Variants in MCC observed in about 807,000 individuals in gnomAD.
MCC encodes the protein colorectal mutant cancer protein.
MCC carries 90 observed loss-of-function variants against 116.2 expected under a neutral mutation model. That is an observed-to-expected ratio of 0.77 (90% CI 0.65 to 0.92). MCC has a LOEUF of 0.92. MCC is among the 40% of genes least tolerant of loss of function. The pLI, the probability that MCC is intolerant of heterozygous loss-of-function variation, is 0.00. For synonymous variants in MCC, 578 were observed against 510.5 expected (o/e 1.13, Z -1.78); for missense variants, 1,516 against 1,312.2 (o/e 1.16, Z -2.40).
At chr5:113,306,219 T>A (rs1382627898) in intron 3 of MCC, among the ~76,000 whole-genome samples, 1 of 152,232 alleles carries the variant, frequency 6.6e-6, no homozygotes, top group East Asian at 1.9e-4. Flanking sequence ...TGAACATTTG[T>A]GAGCAAGTTT....
chr5:113,028,870 C>G, intron 18 of MCC, 64 bp downstream of exon 18: 1 of 1,569,830 alleles, frequency 6.4e-7, no homozygotes, highest in South Asian at 1.2e-5. Context: ...TGTCTACATG[C>G]AGGGTGTCAG....
At chr5:113,194,644 G>T (rs1403413428) in intron 3 of MCC, among the ~76,000 whole-genome samples, 3 of 151,990 alleles carry the variant, frequency 2.0e-5, no homozygotes, top group African/African-American at 4.8e-5. Flanking sequence ...GGCGACAAAG[G>T]AAGACCCTGC....
At chr5:113,481,748 A>G (rs1321117060) in intron 1 of MCC, among the ~76,000 whole-genome samples, 1 of 152,206 alleles carries the variant, frequency 6.6e-6, no homozygotes, top group Non-Finnish European at 1.5e-5. Flanking sequence ...CAAAAAAATA[A>G]AAAATAAAAA....
At chr5:113,398,659 T>C (rs1050178195) in intron 1 of MCC, among the ~76,000 whole-genome samples, 15 of 152,282 alleles carry the variant, frequency 9.9e-5, no homozygotes, top group Middle Eastern at 3.4e-3. Flanking sequence ...ATGGCAACGA[T>C]AGACACTTGG....
chr5:113,407,817 G>GC (rs1769879740), intron 1 of MCC, among the ~76,000 whole-genome samples: 1 of 149,136 alleles, frequency 6.7e-6, no homozygotes, highest in South Asian at 2.1e-4. Flanking sequence ...CATCCCAGGA[G>GC]CCCCTGTGTG....
chr5:113,101,050 G>A (rs964752135), intron 8 of MCC, among the ~76,000 whole-genome samples: 3 of 152,168 alleles, frequency 2.0e-5, no homozygotes, highest in South Asian at 2.1e-4. Context: ...CAATTCTGCC[G>A]AACATTTCTA....
chr5:113,054,344 G>A (rs2150223512), intron 14 of MCC, among the ~76,000 whole-genome samples: 1 of 152,332 alleles, frequency 6.6e-6, no homozygotes, highest in Non-Finnish European at 1.5e-5. Flanking sequence ...TGAAATTATA[G>A]TGATATCGAC....
intron 3 of MCC, among the ~76,000 whole-genome samples, chr5:113,169,833 C>A (rs532882021): frequency 1.3e-5 from 2 of 152,172 alleles, no homozygotes; most frequent in Non-Finnish European, 2.9e-5. Context: ...TGCCTCATTT[C>A]TTTAATAGTA....
At chr5:113,467,029 T>G (rs1401896155) in intron 1 of MCC, among the ~76,000 whole-genome samples, 13 of 149,240 alleles carry the variant, frequency 8.7e-5, no homozygotes, top group African/African-American at 3.3e-4. Context: ...TTTGATGGGG[T>G]TGTTTGTTTT....
intron 1 of MCC, among the ~76,000 whole-genome samples, chr5:113,421,712 C>A (rs974369643): frequency 6.6e-6 from 1 of 152,190 alleles, no homozygotes; most frequent in Non-Finnish European, 1.5e-5. Flanking sequence ...CCCACTATTT[C>A]TGCTAAATAA....
At chr5:113,181,758 T>C (rs544226151) in intron 3 of MCC, among the ~76,000 whole-genome samples, 52 of 152,206 alleles carry the variant, frequency 3.4e-4, no homozygotes, top group African/African-American at 1.2e-3. Flanking sequence ...TCTTCACATA[T>C]AAAACTCACA....
chr5:113,394,066 A>G (rs1001165195), intron 1 of MCC, among the ~76,000 whole-genome samples: 3 of 152,182 alleles, frequency 2.0e-5, no homozygotes, highest in African/African-American at 4.8e-5. Context: ...ATTGACTGTC[A>G]TATATTTATC....
At chr5:113,059,834 G>A (rs1368301850) in intron 14 of MCC, among the ~76,000 whole-genome samples, 5 of 152,188 alleles carry the variant, frequency 3.3e-5, no homozygotes, top group East Asian at 1.9e-4. Context: ...GGTTCGGGAC[G>A]GTTCGGGCCG....
chr5:113,460,103 T>C (rs1305792867), intron 1 of MCC, among the ~76,000 whole-genome samples: 1 of 152,198 alleles, frequency 6.6e-6, no homozygotes, highest in Non-Finnish European at 1.5e-5. Flanking sequence ...CCTAAACATA[T>C]AAAGTGTTAA....
chr5:113,316,897 A>G (rs894097994), intron 3 of MCC, among the ~76,000 whole-genome samples: 2 of 152,232 alleles, frequency 1.3e-5, no homozygotes, highest in African/African-American at 4.8e-5. Flanking sequence ...TTTTAATTTA[A>G]GCAAAGCAAA....
At chr5:113,180,967 A>G (rs1318339450) in intron 3 of MCC, among the ~76,000 whole-genome samples, 1 of 152,214 alleles carries the variant, frequency 6.6e-6, no homozygotes, top group Non-Finnish European at 1.5e-5. Flanking sequence ...AAATCATCCA[A>G]AAGTCAACTC....
At chr5:113,033,012 A>C (rs1751065753) in intron 17 of MCC, among the ~76,000 whole-genome samples, 1 of 152,246 alleles carries the variant, frequency 6.6e-6, no homozygotes, top group Non-Finnish European at 1.5e-5. Context: ...AGCAGCCCCC[A>C]AGGCTGCTCT....
At chr5:113,249,885 T>C (rs1336693390) in intron 3 of MCC, among the ~76,000 whole-genome samples, 1 of 152,192 alleles carries the variant, frequency 6.6e-6, no homozygotes, top group Admixed American at 6.5e-5. Flanking sequence ...TCTACTTAAC[T>C]AATTCTCTGT....
At chr5:113,326,053 G>C (rs1006366418) in intron 3 of MCC, among the ~76,000 whole-genome samples, 1 of 152,184 alleles carries the variant, frequency 6.6e-6, no homozygotes, top group African/African-American at 2.4e-5. Context: ...TTATAAATTA[G>C]ATGTTTTGTC....
Sources: allele counts gnomAD v4.1 joint callset (sites outside exome capture counted in the v4.1 genomes callset), GRCh38; gene constraint gnomAD v4.1.1; transcripts MANE v1.5; gene names NCBI Gene and HGNC (gene_info 2026-07-23, HGNC 2026-07-21).